Variants in CCSER1 observed in about 807,000 individuals in gnomAD.
CCSER1 encodes coiled-coil serine rich protein 1.
A neutral mutation model predicts 82.0 loss-of-function variants in CCSER1; 41 were observed. The observed-to-expected ratio is 0.50, with a 90% confidence interval of 0.39 to 0.65. The LOEUF (loss-of-function observed/expected upper bound fraction) is 0.65, where lower values mean the gene tolerates loss of function less well. Among genes scored for constraint, CCSER1 ranks in the 30% least tolerant of loss-of-function variants. CCSER1 has a pLI of 0.00. For missense variants in CCSER1, 1,119 were observed against 1,064.2 expected, an observed-to-expected ratio of 1.05 and a Z score of -0.72; for synonymous variants, 414 against 383.9, an observed-to-expected ratio of 1.08 and a Z score of -0.92.
At chr4:90,506,485 G>A (rs544741701) in intron 5 of CCSER1, among the ~76,000 whole-genome samples, 24 of 152,096 alleles carry the variant, frequency 1.6e-4, no homozygotes, top group Middle Eastern at 3.4e-3. Context: ...ACTTTAGGCC[G>A]GGCATGGTGG....
chr4:90,910,797 T>C (rs1441690419), intron 8 of CCSER1, among the ~76,000 whole-genome samples: 2 of 152,230 alleles, frequency 1.3e-5, no homozygotes, highest in Non-Finnish European at 2.9e-5. Context: ...TGTCCTTTTC[T>C]GCAATTTTTT....
intron 10 of CCSER1, among the ~76,000 whole-genome samples, chr4:91,439,796 A>C (rs1754981870): frequency 6.6e-6 from 1 of 152,202 alleles, no homozygotes; most frequent in Admixed American, 6.5e-5. Context: ...AAAACAAAAA[A>C]AAGGCAGGGG....
chr4:90,385,870 G>T (rs1161950201), intron 3 of CCSER1, among the ~76,000 whole-genome samples: 2 of 151,464 alleles, frequency 1.3e-5, no homozygotes, highest in Non-Finnish European at 2.9e-5. Context: ...TGAGTTCCTT[G>T]TAGATTCTCT....
At chr4:91,016,568 T>C (rs1046855544) in intron 9 of CCSER1, among the ~76,000 whole-genome samples, 3 of 152,056 alleles carry the variant, frequency 2.0e-5, no homozygotes, top group African/African-American at 7.2e-5. Context: ...AAAAAATTAA[T>C]TTCTTCCTAA....
rs1416659184 is a variant in CCSER1 at position 90,780,396 on chromosome 4, G to C, written c.2011-35366G>C. The C allele has an allele frequency of 1.9e-6, 3 of 1,583,082 alleles. No individual in the cohort carries two copies. In the African/African-American group the frequency reaches 4.0e-5, roughly 21 times the overall value. On this transcript the variant is annotated intron_variant, in intron 7 of 10. Coordinates refer to ENST00000509176, the MANE Select transcript of CCSER1 (RefSeq NM_001145065.2). Reference sequence around the variant, plus strand: ...CAAAATAATTCAAGCAAAATGCTGAGTTGGTAGAATATAAGGACTGTTATT... The same window carrying C: ...CAAAATAATTCAAGCAAAATGCTGACTTGGTAGAATATAAGGACTGTTATT...
At chr4:90,945,286 T>C (rs1732097272) in intron 9 of CCSER1, among the ~76,000 whole-genome samples, 2 of 152,146 alleles carry the variant, frequency 1.3e-5, no homozygotes, top group Non-Finnish European at 2.9e-5. Context: ...TTTTTAAAAT[T>C]ATTTTTTCAT....
In CCSER1 at chr4:90,193,019, C is replaced by G. The variant is rs573989830; in HGVS notation, c.-42+65188C>G. ...GGATTCCTATTACCACCTCAGCATG[C>G]CTGTGACACCCCATTGAGAATCTCA... On this transcript the variant is annotated intron_variant, in intron 1 of 10. Transcript: ENST00000509176. Among the ~76,000 whole-genome samples, 20 of 152,180 alleles carry G rather than the reference C, an allele frequency of 1.3e-4. No individual in the cohort carries two copies. In the South Asian group the frequency reaches 4.1e-3, roughly 32 times the overall value.
At chr4:90,909,846 C>T (rs965459916) in intron 8 of CCSER1, among the ~76,000 whole-genome samples, 7 of 152,092 alleles carry the variant, frequency 4.6e-5, no homozygotes, top group Non-Finnish European at 8.8e-5. Flanking sequence ...CTGCAATGTA[C>T]TCTTTGAAAA....
chr4:91,403,881 A>G (rs1237838372), intron 10 of CCSER1, among the ~76,000 whole-genome samples: 2 of 152,022 alleles, frequency 1.3e-5, no homozygotes, highest in African/African-American at 4.8e-5. Flanking sequence ...TCTCTGCCAG[A>G]CATTGATACC....
At chr4:90,853,655 T>C (rs1191407342) in intron 8 of CCSER1, among the ~76,000 whole-genome samples, 1 of 152,174 alleles carries the variant, frequency 6.6e-6, no homozygotes, top group East Asian at 1.9e-4. Flanking sequence ...TTAAAACAAC[T>C]TCAAAATGAA....
chr4:91,186,636 G>C (rs1178111895), intron 10 of CCSER1, among the ~76,000 whole-genome samples: 2 of 152,160 alleles, frequency 1.3e-5, no homozygotes, highest in Admixed American at 1.3e-4. Context: ...TCAGAGCTGA[G>C]AGCCCCAAAC....
intron 8 of CCSER1, among the ~76,000 whole-genome samples, chr4:90,916,963 A>G (rs1329893082): frequency 6.6e-6 from 1 of 152,200 alleles, no homozygotes; most frequent in Non-Finnish European, 1.5e-5. Flanking sequence ...AACCACAATG[A>G]GATACCATCT....
intron 10 of CCSER1, among the ~76,000 whole-genome samples, chr4:91,298,358 G>A (rs997335397): frequency 3.9e-5 from 6 of 152,004 alleles, no homozygotes; most frequent in Non-Finnish European, 7.4e-5. Flanking sequence ...GCTGCCCAGA[G>A]CTCAAATGAC....
At chr4:90,813,921 G>A (rs1758661575) in intron 7 of CCSER1, among the ~76,000 whole-genome samples, 1 of 152,122 alleles carries the variant, frequency 6.6e-6, no homozygotes, top group African/African-American at 2.4e-5. Flanking sequence ...GATTCTGTGT[G>A]GGTGGCTCCA....
intron 3 of CCSER1, 137 bp downstream of exon 3, chr4:90,313,184 A>T (rs1408386957): frequency 2.7e-6 from 2 of 741,810 alleles, no homozygotes; most frequent in South Asian, 3.8e-5. Flanking sequence ...CATAGTTGAC[A>T]TTACAAGTCA....
intron 6 of CCSER1, among the ~76,000 whole-genome samples, chr4:90,712,643 C>A (rs892875743): frequency 1.3e-4 from 19 of 151,028 alleles, no homozygotes; most frequent in African/African-American, 4.6e-4. Context: ...CTGTAGATAT[C>A]CGTCAGGTCC....
At chr4:90,453,709 A>G (rs1445202518) in intron 4 of CCSER1, among the ~76,000 whole-genome samples, 1 of 152,212 alleles carries the variant, frequency 6.6e-6, no homozygotes, top group Admixed American at 6.5e-5. Flanking sequence ...AGGCATGATT[A>G]GAAAGCATGA....
At chr4:91,513,976 GTTAT>G (rs1257170561) in intron 10 of CCSER1, among the ~76,000 whole-genome samples, 5 of 151,776 alleles carry the variant, frequency 3.3e-5, no homozygotes, top group African/African-American at 9.7e-5. Context: ...TCTGATTTCA[GTTAT>G]TTATTTTCTT....
intron 10 of CCSER1, among the ~76,000 whole-genome samples, chr4:91,596,333 A>C (rs1469587096): frequency 1.3e-5 from 2 of 152,094 alleles, no homozygotes; most frequent in Admixed American, 1.3e-4. Context: ...TTTCCTAGGC[A>C]GCATCTGTTG....
Sources: allele counts gnomAD v4.1 joint callset (sites outside exome capture counted in the v4.1 genomes callset), GRCh38; gene constraint gnomAD v4.1.1; transcripts MANE v1.5; gene names NCBI Gene and HGNC (gene_info 2026-07-23, HGNC 2026-07-21).